The following MARCHF2 variants were observed in gnomAD, a reference collection of about 807,000 sequenced individuals.
MARCHF2 encodes membrane associated ring-CH-type finger 2, also known as E3 ubiquitin-protein ligase MARCHF2.
Under a neutral mutation model 24.0 loss-of-function variants are expected in MARCHF2, and 22 were observed. That is an observed-to-expected ratio of 0.92 (90% CI 0.66 to 1.31). The LOEUF (loss-of-function observed/expected upper bound fraction) is 1.31, where lower values mean the gene tolerates loss of function less well. Ranked by LOEUF, MARCHF2 falls within the 50% of genes most tolerant of loss-of-function variation. The pLI is 0.00. For synonymous variants in MARCHF2, 154 were observed against 153.0 expected (o/e 1.01, Z -0.05); for missense variants, 301 against 335.3 (o/e 0.90, Z 0.80).
intron 1 of MARCHF2, among the ~76,000 whole-genome samples, chr19:8,418,060 G>A (rs1174586040): frequency 1.3e-5 from 2 of 151,944 alleles, no homozygotes; most frequent in Non-Finnish European, 2.9e-5. Flanking sequence ...CACCACGCCC[G>A]GCCAAGACCC....
chr19:8,415,738 A>AC lies in MARCHF2; in HGVS notation c.-53+2318_-53+2319insC, dbSNP rs1568233668. On this transcript the variant is annotated intron_variant, in intron 1 of 4. Coordinates refer to ENST00000215555, the MANE Select transcript of MARCHF2 (RefSeq NM_001005415.2). ...CTCCATCTCAAAAAAAAAAAAACAA[A>AC]AAAAACAAAAAAAAAAACCAGACAA... 5.9e-5 allele frequency among the ~76,000 whole-genome samples: 3 copies of AC among 50,882 alleles called. 1 individual carries two copies. The highest frequency in any genetic ancestry group is 9.3e-5 in the African/African-American group (2 of 21,574). 33.4% of individuals were successfully genotyped at this position (50,882 alleles called of 152,430 possible).
intron 1 of MARCHF2, 131 bp from the exon 2 acceptor site, chr19:8,421,658 G>A: frequency 3.9e-6 from 2 of 518,962 alleles, no homozygotes; most frequent in Non-Finnish European, 6.7e-6. Flanking sequence ...CCATTTTACA[G>A]ATGGTGCAAA....
At chr19:8,436,442 A>T (rs1967724434) in intron 4 of MARCHF2, among the ~76,000 whole-genome samples, 1 of 151,580 alleles carries the variant, frequency 6.6e-6, no homozygotes, top group African/African-American at 2.4e-5. Flanking sequence ...CATATTCACC[A>T]TTATAATATC....
rs763903132 is a variant in MARCHF2 at position 8,430,809 on chromosome 19, C to T, written c.524C>T (p.Ala175Val). ...CTCCGGCTCCACAGCCAGCTGGAGG[C>T]CGTGGGTCTCATTGCCCTCACCATC... ...DHLRLHSQLE[A>V]VGLIALTIAL... is the part of the protein sequence containing the mutation. The change falls in exon 4 of 5, where the codon GCC becomes GTC. Residue 175 changes from alanine (A) to valine (V), a missense_variant. By Grantham distance (64) the Ala-to-Val change is moderately conservative. Coordinates refer to ENST00000215555, the MANE Select transcript of MARCHF2 (RefSeq NM_001005415.2). The surrounding 1 kb of genome is among the most constrained non-coding windows in gnomAD (Gnocchi z 4.4). 1 of 1,610,828 alleles carries T rather than the reference C, an allele frequency of 6.2e-7. No homozygotes were observed. The highest frequency in any genetic ancestry group is 8.5e-7 in the Non-Finnish European group (1 of 1,179,980).
intron 4 of MARCHF2, among the ~76,000 whole-genome samples, chr19:8,434,666 G>C (rs1287488707): frequency 1.3e-5 from 2 of 151,810 alleles, no homozygotes; most frequent in South Asian, 4.2e-4. Flanking sequence ...AATGTTTCTT[G>C]GGAACTTGCT....
At chr19:8,424,551 T>C (rs1425910018) in intron 2 of MARCHF2, among the ~76,000 whole-genome samples, 3 of 151,814 alleles carry the variant, frequency 2.0e-5, no homozygotes, top group Middle Eastern at 3.4e-3. Flanking sequence ...CCTGTAGTCC[T>C]AGCTACTCTG....
In MARCHF2 at chr19:8,421,927, G is replaced by C. The variant is rs746498303; in HGVS notation, c.87G>C (p.Thr29=). The C allele has an allele frequency of 3.7e-6, 6 of 1,613,730 alleles. No individual in the cohort carries two copies. The African/African-American group carries it at 8.0e-5, about 22-fold the overall frequency. ...CCTTCTCCAAGGTCGTGGAGGCTACGGGCCTCGGACCGCCCCAGTATGTGG... is the reference window on the plus strand; with the variant it reads ...CCTTCTCCAAGGTCGTGGAGGCTACCGGCCTCGGACCGCCCCAGTATGTGG... ...SPAFSKVVEA[T]GLGPPQYVAQ... is the part of the protein sequence containing the mutation. Residue 29 remains threonine (T), a synonymous_variant, in exon 2 of 5, where the codon ACG becomes ACC. Transcript: ENST00000215555.
chr19:8,430,530 G>A lies in MARCHF2; in HGVS notation c.373-128G>A, dbSNP rs1484453591. 8 of 691,406 alleles carry A rather than the reference G, an allele frequency of 1.2e-5. No homozygotes were observed. The highest frequency in any genetic ancestry group is 1.9e-5 in the Non-Finnish European group (8 of 416,852). The allele number at this position is 691,406 out of a possible 1,614,324, so 42.8% of individuals were successfully genotyped here. ...ATCCTGGGCAACAGAGTGAGAATCTGTCTCAAAAAAAAAAAAAAGAAAGAA... is the reference window on the plus strand; with the variant it reads ...ATCCTGGGCAACAGAGTGAGAATCTATCTCAAAAAAAAAAAAAAGAAAGAA... On this transcript the variant is annotated intron_variant, in intron 3 of 4. Transcript: ENST00000215555. This position sits in a 1 kb window ranked among gnomAD's most constrained non-coding sequence, Gnocchi z 4.4.
intron 3 of MARCHF2, among the ~76,000 whole-genome samples, chr19:8,429,054 C>T (rs184561902): frequency 5.4e-4 from 82 of 152,228 alleles, no homozygotes; most frequent in African/African-American, 1.8e-3. Context: ...CCACTTTGGT[C>T]TCCGTGCTAC....
Position 8,421,951 on chromosome 19 carries a change from G to T in MARCHF2, c.111G>T (p.Val37=), listed in dbSNP as rs756295525. 1.2e-6 allele frequency: 2 copies of T among 1,613,780 alleles called. No homozygotes were observed. The highest frequency in any genetic ancestry group is 4.5e-5 in the East Asian group (2 of 44,848). ...EATGLGPPQY[V]AQVTSRDGRL... The stretch of plus-strand genomic sequence containing the variant: ...CGGGCCTCGGACCGCCCCAGTATGT[G>T]GCACAGGTGACTTCAAGGGATGGCC... The change falls in exon 2 of 5, where the codon GTG becomes GTT. Residue 37 remains valine, a synonymous_variant. Transcript: ENST00000215555.
Position 8,430,679 on chromosome 19 carries a change from C to G in MARCHF2, c.394C>G (p.Arg132Gly), listed in dbSNP as rs528213192. 1.2e-6 allele frequency: 2 copies of G among 1,609,164 alleles called. No homozygotes were observed. The highest frequency in any genetic ancestry group is 1.7e-6 in the Non-Finnish European group (2 of 1,179,878). ...GCAGTGGCTGAAGGACCCGGGGCCG[C>G]GGACGGAGAAGCGGACACTGTGCTG... ...LTEWLKDPGP[R>G]TEKRTLCCDM... Residue 132 changes from arginine to glycine, a missense_variant, in exon 4 of 5, where the codon CGG (arginine) becomes GGG (glycine). Coordinates refer to ENST00000215555, the MANE Select transcript of MARCHF2 (RefSeq NM_001005415.2). This position sits in a 1 kb window ranked among gnomAD's most constrained non-coding sequence, Gnocchi z 4.4.
intron 2 of MARCHF2, among the ~76,000 whole-genome samples, 170 bp from the exon 3 acceptor site, chr19:8,426,439 C>T (rs918060955): frequency 6.6e-6 from 1 of 151,886 alleles, no homozygotes; most frequent in African/African-American, 2.4e-5. Context: ...GTTACCTTCC[C>T]TGCATCTCCT....
At chr19:8,413,954 C>A (rs993928232) in intron 1 of MARCHF2, among the ~76,000 whole-genome samples, 5 of 152,130 alleles carry the variant, frequency 3.3e-5, no homozygotes, top group African/African-American at 1.2e-4. Flanking sequence ...TAGAAATGTC[C>A]CCTGTTATAC....
chr19:8,428,518 C>T (rs921517701), intron 3 of MARCHF2, among the ~76,000 whole-genome samples: 5 of 147,388 alleles, frequency 3.4e-5, no homozygotes, highest in Admixed American at 6.8e-5. Context: ...GGTGTGGTGG[C>T]GCATGCCTGT....
intron 4 of MARCHF2, among the ~76,000 whole-genome samples, chr19:8,437,439 C>T (rs1429549866): frequency 6.7e-6 from 1 of 149,766 alleles, no homozygotes; most frequent in Non-Finnish European, 1.5e-5. Context: ...GCAAGCTCTG[C>T]CTCCCAGGTT....
chr19:8,434,472 T>TAA (rs34886411), intron 4 of MARCHF2, among the ~76,000 whole-genome samples: 23 of 147,516 alleles, frequency 1.6e-4, no homozygotes, highest in African/African-American at 2.5e-4. Context: ...TGGTGTTCTT[T>TAA]AAAAAAAAAA....
At chr19:8,421,382 C>CTTTTTTTTTTTTTTTTTTGTTTTTTTTT (rs1967236460) in intron 1 of MARCHF2, among the ~76,000 whole-genome samples, 1 of 111,622 alleles carries the variant, frequency 9.0e-6, no homozygotes, top group South Asian at 3.0e-4. Context: ...TCTTTCTTTT[C>CTTTTTTTTTTTTTTTTTTGTTTTTTTTT]TTTTTTTTTT....
At chr19:8,435,828 CTGTGTGTGTGTG>C (rs35027764) in intron 4 of MARCHF2, among the ~76,000 whole-genome samples, 27 of 141,152 alleles carry the variant, frequency 1.9e-4, no homozygotes, top group South Asian at 4.8e-4. Context: ...TGCACCTGGC[CTGTGTGTGTGTG>C]TGTGTGTGTG....
intron 2 of MARCHF2, among the ~76,000 whole-genome samples, chr19:8,422,667 A>G (rs1036702450): frequency 6.9e-6 from 1 of 144,298 alleles, no homozygotes; most frequent in Non-Finnish European, 1.5e-5. Context: ...TGCTGGGATT[A>G]TAAGTGTGAG....
Sources: allele counts gnomAD v4.1 joint callset (sites outside exome capture counted in the v4.1 genomes callset), GRCh38; gene constraint gnomAD v4.1.1; non-coding constraint Gnocchi (gnomAD v3.1); transcripts MANE v1.5; gene names NCBI Gene and HGNC (gene_info 2026-07-23, HGNC 2026-07-21).